Variants in ANKHD1 observed in about 807,000 individuals in gnomAD.
ANKHD1 encodes ankyrin repeat and KH domain containing 1.
In ANKHD1, 31 loss-of-function variants were observed where a neutral mutation model predicts 230.5. That is an observed-to-expected ratio of 0.13 (90% CI 0.10 to 0.18). The LOEUF (loss-of-function observed/expected upper bound fraction) is 0.18, where lower values mean the gene tolerates loss of function less well. Among genes scored for constraint, ANKHD1 ranks in the 10% least tolerant of loss-of-function variants. The pLI is 1.00. For missense variants in ANKHD1, 2,256 were observed against 3,071.3 expected (o/e 0.73, Z 6.27); for synonymous variants, 1,074 against 1,117.6 (o/e 0.96, Z 0.78).
chr5:140,515,159 C>T (rs1372973880), intron 24 of ANKHD1, among the ~76,000 whole-genome samples: 1 of 150,800 alleles, frequency 6.6e-6, no homozygotes, highest in African/African-American at 2.4e-5. Flanking sequence ...ATGCCTGTAG[C>T]CCCAGCTACT....
In ANKHD1 at chr5:140,529,727, A is replaced by C; in HGVS notation, c.6781A>C (p.Met2261Leu). The C allele has an allele frequency of 6.2e-7, 1 of 1,614,134 alleles. No homozygotes were observed. Among genetic ancestry groups the C allele is most frequent in the Non-Finnish European group, 8.5e-7 (1 of 1,180,028 alleles). The change falls in exon 29 of 34, where the codon ATG becomes CTG. Residue 2261 changes from methionine (M) to leucine (L), a missense_variant. Physicochemically the swap from Met to Leu is conservative, Grantham distance 15. Transcript: ENST00000360839. ...CTCAGTGCTTGGACACTTGGAAAAC[A>C]TGCACCCTGATAACTCAAAGGCACC... Reference protein sequence around the residue: ...GNSVLGHLENMHPDNSKAPGF... With the variant: ...GNSVLGHLENLHPDNSKAPGF...
At chr5:140,407,678 A>G (rs928613219) in intron 1 of ANKHD1, among the ~76,000 whole-genome samples, 1 of 152,186 alleles carries the variant, frequency 6.6e-6, no homozygotes, top group African/African-American at 2.4e-5. Flanking sequence ...GTTGTAAGCC[A>G]CTGTGCCTGA....
intron 1 of ANKHD1, among the ~76,000 whole-genome samples, chr5:140,413,237 T>G (rs76720248): frequency 6.6e-6 from 1 of 152,336 alleles, no homozygotes; most frequent in African/African-American, 2.4e-5. Flanking sequence ...TTTTAGATTT[T>G]GGTAAAATAT....
intron 10 of ANKHD1, chr5:140,472,150 T>C (rs971168281): frequency 9.6e-7 from 1 of 1,039,584 alleles, no homozygotes; most frequent in Middle Eastern, 2.0e-4. Context: ...AAGCCCACCA[T>C]CTGAAGTATC....
At position 140,485,316 on chromosome 5, in the gene ANKHD1, GAAAGCT is replaced by G; in HGVS notation, c.1998+69_1998+74del. ...TCATGTCTATGATCCCAGCACTTTA[GAAAGCT>G]GAGGCGGGTGGATCACTTGAGCCCA... On this transcript the variant is annotated intron_variant, in intron 12 of 33. Coordinates refer to ENST00000360839, the MANE Select transcript of ANKHD1 (RefSeq NM_017747.3). The surrounding 1 kb of genome is among the most constrained non-coding windows in gnomAD (Gnocchi z 4.8). 1.3e-6 allele frequency: 2 copies of G among 1,534,202 alleles called. No individual in the cohort carries two copies. Among genetic ancestry groups the G allele is most frequent in the Non-Finnish European group, 1.8e-6 (2 of 1,136,312 alleles).
rs774973824 is a variant in ANKHD1 at position 140,402,065 on chromosome 5, C to T, written c.98C>T (p.Pro33Leu). The change falls in exon 1 of 34, where the codon CCG (proline) becomes CTG (leucine). Residue 33 changes from proline to leucine, a missense_variant. This residue lies in a region of ANKHD1 where 193 missense variants were observed against 185.8 expected (regional missense o/e 1.04). Transcript: ENST00000360839. ...CCAGCTGGGGCCTCGGAGCCGCCTC[C>T]GCCGGGAGGGGTCGGTCTGGGGATC... ...SAPAGASEPP[P>L]PGGVGLGIRT... 9 of 1,490,864 alleles carry T rather than the reference C, an allele frequency of 6.0e-6. No homozygotes were observed. Among genetic ancestry groups the T allele is most frequent in the Middle Eastern group, 3.6e-4 (2 of 5,494 alleles). 92.4% of individuals were successfully genotyped at this position (1,490,864 alleles called of 1,614,324 possible).
intron 10 of ANKHD1, among the ~76,000 whole-genome samples, chr5:140,475,116 A>C (rs1170565306): frequency 1.3e-5 from 2 of 152,208 alleles, no homozygotes; most frequent in Non-Finnish European, 2.9e-5. Flanking sequence ...GTATTGAATG[A>C]GTTCTTTTCA....
chr5:140,521,884 C>G (rs1319526681), intron 24 of ANKHD1, among the ~76,000 whole-genome samples: 2 of 152,224 alleles, frequency 1.3e-5, no homozygotes, highest in East Asian at 3.8e-4. Flanking sequence ...GAGGCTGAGG[C>G]AGGAGAATTG....
chr5:140,455,632 G>C (rs1775116861), intron 7 of ANKHD1, among the ~76,000 whole-genome samples: 1 of 152,166 alleles, frequency 6.6e-6, no homozygotes, highest in South Asian at 2.1e-4. Context: ...TATCTCAATA[G>C]ATGCAGAAAA....
At position 140,440,155 on chromosome 5, in the gene ANKHD1, T is replaced by A; in HGVS notation, c.654T>A (p.Val218=). The change falls in exon 4 of 34, where the codon GTT becomes GTA. Residue 218 remains valine, a synonymous_variant. Coordinates refer to ENST00000360839, the MANE Select transcript of ANKHD1 (RefSeq NM_017747.3). The part of the protein sequence containing the change: ...SLAEACSDGD[V]NAVRKLLDEG... Reference sequence around the variant, plus strand: ...CAGAAGCTTGTTCAGATGGGGATGTTAATGCTGTTCGTAAATTGCTAGATG... The same window carrying A: ...CAGAAGCTTGTTCAGATGGGGATGTAAATGCTGTTCGTAAATTGCTAGATG... 6.2e-7 allele frequency: 1 copy of A among 1,613,090 alleles called. No homozygotes were observed. The highest frequency in any genetic ancestry group is 8.5e-7 in the Non-Finnish European group (1 of 1,179,496).
In ANKHD1 at chr5:140,485,516, T is replaced by G; in HGVS notation, c.1999-73T>G. ...TTAGTGCTTAGTATTTAATACTGTT[T>G]AAATGAGTTTTGATTTTATATGAGC... is the stretch of plus-strand genomic sequence containing the variant. On this transcript the variant is annotated intron_variant, in intron 12 of 33. Transcript: ENST00000360839. The surrounding 1 kb of genome is among the most constrained non-coding windows in gnomAD (Gnocchi z 4.8). The G allele has an allele frequency of 6.3e-7, 1 of 1,585,850 alleles. No individual in the cohort carries two copies. Among genetic ancestry groups the G allele is most frequent in the South Asian group, 1.1e-5 (1 of 87,500 alleles).
intron 24 of ANKHD1, among the ~76,000 whole-genome samples, chr5:140,519,937 T>G (rs1753240716): frequency 2.6e-5 from 4 of 152,042 alleles, no homozygotes; most frequent in Non-Finnish European, 4.4e-5. Context: ...TGGGATCTAA[T>G]TAAACTAAAG....
At position 140,508,104 on chromosome 5, in the gene ANKHD1, C is replaced by G. The variant is rs6866647; in HGVS notation, c.3765+106C>G. The G allele has an allele frequency of 6.8e-5, 94 of 1,381,202 alleles. No homozygotes were observed. In the African/African-American group the frequency reaches 1.3e-3, roughly 19 times the overall value. 85.6% of individuals were successfully genotyped at this position (1,381,202 alleles called of 1,614,324 possible). ...TATTTTAAATTATCATAAATTAAAACTGATACCAATGCAGAGTTGAGGGAT... is the reference window on the plus strand; with the variant it reads ...TATTTTAAATTATCATAAATTAAAAGTGATACCAATGCAGAGTTGAGGGAT... On this transcript the variant is annotated intron_variant, in intron 20 of 33. Transcript: ENST00000360839.
At chr5:140,492,534 A>G (rs1201351482) in intron 14 of ANKHD1, among the ~76,000 whole-genome samples, 2 of 152,224 alleles carry the variant, frequency 1.3e-5, no homozygotes. Flanking sequence ...TCTGTTTATC[A>G]AAACAGAAAT....
intron 2 of ANKHD1, among the ~76,000 whole-genome samples, chr5:140,437,199 T>C (rs945759055): frequency 6.6e-6 from 1 of 152,238 alleles, no homozygotes; most frequent in African/African-American, 2.4e-5. Flanking sequence ...ATCTTTCTCC[T>C]TTTATTGAAG....
Position 140,528,909 on chromosome 5 carries a change from C to G in ANKHD1, c.5963C>G (p.Ser1988Cys), listed in dbSNP as rs768119736. ...ACAAGCACTTGTAGTTCCCTGCCTT[C>G]TGTCTCCTCTGCACCTATCACTAGC... Reference protein sequence around the residue: ...SVTSTCSSLPSVSSAPITSGQ... With the variant: ...SVTSTCSSLPCVSSAPITSGQ... The change falls in exon 29 of 34, where the codon TCT becomes TGT. Residue 1988 changes from serine (S) to cysteine (C), a missense_variant. Ser to Cys is a moderately radical substitution (Grantham distance 112). This residue lies in a region of ANKHD1 where 778 missense variants were observed against 966.5 expected (regional missense o/e 0.80). Coordinates refer to ENST00000360839, the MANE Select transcript of ANKHD1 (RefSeq NM_017747.3). 1.2e-6 allele frequency: 2 copies of G among 1,614,246 alleles called. No homozygotes were observed. Among genetic ancestry groups the G allele is most frequent in the Non-Finnish European group, 1.7e-6 (2 of 1,180,048 alleles).
At chr5:140,535,149 A>G (rs1191887402) in intron 29 of ANKHD1, among the ~76,000 whole-genome samples, 1 of 152,182 alleles carries the variant, frequency 6.6e-6, no homozygotes, top group Non-Finnish European at 1.5e-5. Context: ...GTTTGGCGAT[A>G]TTCTTCTGGA....
chr5:140,413,822 C>G (rs894799689), intron 1 of ANKHD1, among the ~76,000 whole-genome samples: 1 of 151,786 alleles, frequency 6.6e-6, no homozygotes, highest in Non-Finnish European at 1.5e-5. Context: ...GCTCTGTCAC[C>G]CAGGCTGGAG....
At position 140,458,729 on chromosome 5, in the gene ANKHD1, A is replaced by T. The variant is rs1358008575; in HGVS notation, c.1347A>T (p.Gly449=). Residue 449 remains glycine, a synonymous_variant, in exon 8 of 34, where the codon GGA becomes GGT. Transcript: ENST00000360839. ...CATTGACGCTAGCTGCCTGTGGAGG[A>T]CATGTTGAATTGGCAGCTCTACTTA... ...ESPLTLAACG[G]HVELAALLIE... 2.9e-5 allele frequency: 46 copies of T among 1,613,404 alleles called. No individual in the cohort carries two copies. Among genetic ancestry groups the T allele is most frequent in the Non-Finnish European group, 3.9e-5 (46 of 1,179,822 alleles).
Sources: allele counts gnomAD v4.1 joint callset (sites outside exome capture counted in the v4.1 genomes callset), GRCh38; gene constraint gnomAD v4.1.1; regional missense constraint gnomAD v4.1.1; non-coding constraint Gnocchi (gnomAD v3.1); transcripts MANE v1.5; gene names NCBI Gene and HGNC (gene_info 2026-07-23, HGNC 2026-07-21).